Variants in PDZD2 observed in about 807,000 individuals in gnomAD.
PDZD2 encodes the protein PDZ domain containing 2.
In PDZD2, 90 loss-of-function variants were observed where a neutral mutation model predicts 220.7. The observed-to-expected ratio is 0.41, with a 90% CI of 0.34 to 0.49. PDZD2 has a LOEUF of 0.49. PDZD2 is among the 20% of genes least tolerant of loss of function. PDZD2 has a pLI of 0.28. For synonymous variants in PDZD2, 1,375 were observed against 1,450.5 expected, an observed-to-expected ratio of 0.95 and a Z score of 1.18; for missense variants, 3,174 against 3,608.5, an observed-to-expected ratio of 0.88 and a Z score of 3.08.
chr5:32,072,069 C>G (rs917102179), intron 16 of PDZD2, 92 bp from the exon 17 acceptor site: 1 of 878,478 alleles, frequency 1.1e-6, no homozygotes, highest in African/African-American at 1.7e-5. Flanking sequence ...TTGATTAGAA[C>G]GAAGTGTTCT....
At chr5:31,677,234 C>A (rs370353048) in intron 1 of PDZD2, among the ~76,000 whole-genome samples, 4 of 152,256 alleles carry the variant, frequency 2.6e-5, no homozygotes, top group East Asian at 1.9e-4. Context: ...CCCTCCCTAG[C>A]CTTGCACTGG....
Position 32,090,227 on chromosome 5 carries a change from A to G in PDZD2, c.6779A>G (p.Glu2260Gly). ...QVPVTSSVVPEAKASRGGLPS... is the reference protein window; with the variant it reads ...QVPVTSSVVPGAKASRGGLPS... ...CCTGTGACAAGCAGTGTTGTCCCCGAGGCAAAGGCATCCAGAGGTGGTCTT... is the reference window on the plus strand; with the variant it reads ...CCTGTGACAAGCAGTGTTGTCCCCGGGGCAAAGGCATCCAGAGGTGGTCTT... The change falls in exon 20 of 25, where the codon GAG becomes GGG. Residue 2260 changes from glutamate (E) to glycine (G), a missense_variant. Around this residue, in one of 4 missense-constraint regions of PDZD2, gnomAD observed 631 missense variants for 789.9 expected, o/e 0.80. Transcript: ENST00000438447. The surrounding 1 kb of genome is among the most constrained non-coding windows in gnomAD (Gnocchi z 4.3). 6.2e-7 allele frequency: 1 copy of G among 1,614,144 alleles called. No individual in the cohort carries two copies. Among genetic ancestry groups the G allele is most frequent in the Non-Finnish European group, 8.5e-7 (1 of 1,180,010 alleles).
chr5:32,033,442 G>C (rs1252698187), intron 6 of PDZD2, among the ~76,000 whole-genome samples: 1 of 152,118 alleles, frequency 6.6e-6, no homozygotes, highest in African/African-American at 2.4e-5. Flanking sequence ...TGTTATAAGA[G>C]GAAACAGTTC....
intron 6 of PDZD2, among the ~76,000 whole-genome samples, chr5:32,023,427 A>G (rs1754385917): frequency 6.6e-6 from 1 of 152,162 alleles, no homozygotes; most frequent in Non-Finnish European, 1.5e-5. Flanking sequence ...CATTTTTCCA[A>G]GCAGTGTGTT....
intron 2 of PDZD2, among the ~76,000 whole-genome samples, chr5:31,928,763 T>C (rs996051602): frequency 1.3e-5 from 2 of 152,154 alleles, no homozygotes; most frequent in South Asian, 2.1e-4. Context: ...TGAGCCACGA[T>C]GCCGGGCCAA....
At chr5:32,025,492 T>C (rs1206645467) in intron 6 of PDZD2, among the ~76,000 whole-genome samples, 2 of 143,332 alleles carry the variant, frequency 1.4e-5, no homozygotes, top group Non-Finnish European at 3.0e-5. Context: ...GCCATTGCAC[T>C]CCAGCCTGGA....
At chr5:31,744,785 G>A (rs1201648149) in intron 1 of PDZD2, among the ~76,000 whole-genome samples, 1 of 152,168 alleles carries the variant, frequency 6.6e-6, no homozygotes, top group Non-Finnish European at 1.5e-5. Context: ...AAGAAGCTCT[G>A]TGTGGCCAGG....
In PDZD2 at chr5:31,928,753, T is replaced by G. The variant is rs112720325; in HGVS notation, c.477-54402T>G. Among the ~76,000 whole-genome samples, 557 of 152,278 alleles carry G rather than the reference T, an allele frequency of 3.7e-3. 7 individuals are homozygous for G. Among genetic ancestry groups the G allele is most frequent in the African/African-American group, 0.013 (528 of 41,566 alleles). ...TCCCAAAGTGTTGGGATTACAGGCC[T>G]GAGCCACGATGCCGGGCCAAGAAAA... is the stretch of plus-strand genomic sequence containing the variant. On this transcript the variant is annotated intron_variant, in intron 2 of 24. Transcript: ENST00000438447.
At chr5:32,023,061 G>A (rs934637136) in intron 6 of PDZD2, among the ~76,000 whole-genome samples, 17 of 152,208 alleles carry the variant, frequency 1.1e-4, no homozygotes, top group Admixed American at 2.6e-4. Context: ...ACAGGCAATG[G>A]GAGGTCACCT....
chr5:31,870,752 G>T (rs914463791), intron 2 of PDZD2, among the ~76,000 whole-genome samples: 4 of 152,046 alleles, frequency 2.6e-5, no homozygotes, highest in Non-Finnish European at 5.9e-5. Flanking sequence ...AGCCGGGCAT[G>T]GTGGTGGGCA....
intron 1 of PDZD2, among the ~76,000 whole-genome samples, chr5:31,715,391 T>A (rs1748386589): frequency 6.6e-6 from 1 of 152,238 alleles, no homozygotes. Flanking sequence ...CCAGTGATTC[T>A]ATGGGTCATC....
chr5:31,929,575 C>T (rs764874973), intron 2 of PDZD2, among the ~76,000 whole-genome samples: 19 of 152,194 alleles, frequency 1.2e-4, no homozygotes, highest in Non-Finnish European at 2.5e-4. Context: ...GAAGGCCAGG[C>T]GCAGTGGCTC....
intron 1 of PDZD2, among the ~76,000 whole-genome samples, chr5:31,679,459 G>A (rs1404905299): frequency 1.4e-5 from 2 of 138,748 alleles, no homozygotes; most frequent in African/African-American, 2.8e-5. Context: ...GATGCTTCTT[G>A]TTGTACTGTG....
chr5:32,034,048 C>G (rs575567652), intron 6 of PDZD2, among the ~76,000 whole-genome samples: 1 of 152,288 alleles, frequency 6.6e-6, no homozygotes, highest in Admixed American at 6.5e-5. Flanking sequence ...TTCTCAGGTG[C>G]TCAGAAGTGC....
rs1185572912 is a variant in PDZD2 at position 32,109,142 on chromosome 5, T to G, written c.*1007T>G. On this transcript the variant is annotated 3_prime_UTR_variant, in exon 25 of 25. Transcript: ENST00000438447. ...AAGTATCTTTCTAAGTGTCCTTGGA[T>G]TTATAGACAATGTATGTACAATCCA... The G allele has an allele frequency of 6.6e-6, 1 of 152,366 alleles. No homozygotes were observed. Among genetic ancestry groups the G allele is most frequent in the Non-Finnish European group, 1.5e-5 (1 of 68,042 alleles). The allele number at this position is 152,366 out of a possible 1,614,324, so 9.4% of individuals were successfully genotyped here.
intron 2 of PDZD2, among the ~76,000 whole-genome samples, chr5:31,939,115 G>A (rs975324676): frequency 1.4e-4 from 22 of 152,190 alleles, no homozygotes; most frequent in African/African-American, 4.3e-4. Context: ...AAAGTATGGC[G>A]CCCCACCAGA....
At chr5:31,664,482 G>A (rs1000977435) in intron 1 of PDZD2, among the ~76,000 whole-genome samples, 10 of 150,388 alleles carry the variant, frequency 6.6e-5, no homozygotes, top group African/African-American at 9.9e-5. Flanking sequence ...ACACACAGGC[G>A]CATGCATGCG....
At chr5:31,908,861 A>G (rs1336749625) in intron 2 of PDZD2, 2 of 496,100 alleles carry the variant, frequency 4.0e-6, no homozygotes, top group Non-Finnish European at 7.5e-6. Context: ...CCTTGGCAAC[A>G]TAGTGAGACC....
intron 5 of PDZD2, among the ~76,000 whole-genome samples, chr5:32,007,574 A>G (rs1042994586): frequency 1.3e-5 from 2 of 152,190 alleles, no homozygotes; most frequent in Non-Finnish European, 2.9e-5. Flanking sequence ...AGTAACAAAC[A>G]TCACTGTCGC....
Sources: allele counts gnomAD v4.1 joint callset (sites outside exome capture counted in the v4.1 genomes callset), GRCh38; gene constraint gnomAD v4.1.1; regional missense constraint gnomAD v4.1.1; non-coding constraint Gnocchi (gnomAD v3.1); transcripts MANE v1.5; gene names NCBI Gene and HGNC (gene_info 2026-07-23, HGNC 2026-07-21).